The following COBL variants were observed in gnomAD, a reference collection of about 807,000 sequenced individuals.
COBL encodes protein cordon-bleu.
In COBL, 51 loss-of-function variants were observed where a neutral mutation model predicts 98.8. The ratio of observed to expected loss-of-function variants is 0.52; its 90% confidence interval spans 0.41 to 0.65. The LOEUF (loss-of-function observed/expected upper bound fraction) is 0.65. COBL is among the 30% of genes least tolerant of loss of function. COBL has a pLI of 0.00. For synonymous variants in COBL, 634 were observed against 651.7 expected, an observed-to-expected ratio of 0.97 and a Z score of 0.41; for missense variants, 1,617 against 1,617.5, an observed-to-expected ratio of 1.00 and a Z score of 0.01.
intron 8 of COBL, among the ~76,000 whole-genome samples, chr7:51,039,462 C>G (rs1321075035): frequency 6.6e-6 from 1 of 152,246 alleles, no homozygotes; most frequent in Admixed American, 6.5e-5. Flanking sequence ...CTGGGCAGCT[C>G]CCTGCCAGCC....
intron 1 of COBL, among the ~76,000 whole-genome samples, chr7:51,261,840 A>G (rs982328544): frequency 6.6e-6 from 1 of 152,176 alleles, no homozygotes; most frequent in Non-Finnish European, 1.5e-5. Flanking sequence ...CTGCCTTACT[A>G]GGGAGGCTGA....
chr7:51,181,783 G>C (rs1465060945), intron 5 of COBL, among the ~76,000 whole-genome samples: 1 of 151,848 alleles, frequency 6.6e-6, no homozygotes, highest in Non-Finnish European at 1.5e-5. Flanking sequence ...GTGAAAAACA[G>C]AAAGTCCCTT....
intron 6 of COBL, among the ~76,000 whole-genome samples, chr7:51,108,733 C>G (rs1796544353): frequency 6.6e-6 from 1 of 152,164 alleles, no homozygotes; most frequent in African/African-American, 2.4e-5. Flanking sequence ...CTCTCAGACA[C>G]TGGGCCCCAT....
At chr7:51,192,327 G>A (rs1488531069) in intron 3 of COBL, among the ~76,000 whole-genome samples, 1 of 152,182 alleles carries the variant, frequency 6.6e-6, no homozygotes, top group African/African-American at 2.4e-5. Context: ...GTACAATAAA[G>A]CTGGGTATGG....
At chr7:51,109,980 A>T (rs1796678072) in intron 6 of COBL, among the ~76,000 whole-genome samples, 1 of 152,174 alleles carries the variant, frequency 6.6e-6, no homozygotes, top group African/African-American at 2.4e-5. Context: ...TTTTTTCTTT[A>T]AAAAAATTGA....
At chr7:51,229,514 G>A (rs1404137852) in intron 1 of COBL, among the ~76,000 whole-genome samples, 1 of 152,158 alleles carries the variant, frequency 6.6e-6, no homozygotes, top group Non-Finnish European at 1.5e-5. Flanking sequence ...GAGTTTTCCA[G>A]GGCAGGCAGC....
intron 1 of COBL, among the ~76,000 whole-genome samples, chr7:51,220,709 G>A (rs970361161): frequency 2.6e-5 from 4 of 152,030 alleles, no homozygotes; most frequent in African/African-American, 9.7e-5. Flanking sequence ...GTGTCACCAG[G>A]GTTAGGTGTA....
chr7:51,268,442 T>C (rs1419849230), intron 1 of COBL, among the ~76,000 whole-genome samples: 1 of 151,942 alleles, frequency 6.6e-6, no homozygotes, highest in East Asian at 1.9e-4. Context: ...GACACTTAAT[T>C]CCTCCTCAAA....
At chr7:51,202,574 T>C (rs953761703) in intron 2 of COBL, among the ~76,000 whole-genome samples, 4 of 152,112 alleles carry the variant, frequency 2.6e-5, no homozygotes, top group Admixed American at 6.6e-5. Context: ...CTACGGTACA[T>C]GGAAACTACA....
intron 6 of COBL, among the ~76,000 whole-genome samples, chr7:51,094,550 CCTAG>C (rs1321901670): frequency 2.0e-5 from 3 of 151,878 alleles, no homozygotes; most frequent in Non-Finnish European, 2.9e-5. Flanking sequence ...GAAATAAAGA[CCTAG>C]CTAGATAAAT....
intron 1 of COBL, among the ~76,000 whole-genome samples, chr7:51,284,467 T>C (rs1205817937): frequency 6.6e-6 from 1 of 151,644 alleles, no homozygotes; most frequent in African/African-American, 2.4e-5. Context: ...AAGCATTTGA[T>C]ATAATTCAGT....
intron 7 of COBL, among the ~76,000 whole-genome samples, chr7:51,055,501 T>G (rs1186230388): frequency 6.6e-6 from 1 of 152,062 alleles, no homozygotes; most frequent in Non-Finnish European, 1.5e-5. Flanking sequence ...TGGCTGTCCA[T>G]AAACATCCTA....
At chr7:51,075,715 T>C (rs1375168312) in intron 7 of COBL, among the ~76,000 whole-genome samples, 1 of 152,332 alleles carries the variant, frequency 6.6e-6, no homozygotes, top group East Asian at 1.9e-4. Flanking sequence ...AGGGACATTG[T>C]ACCTTGTAAA....
At position 51,016,799 on chromosome 7, in the gene COBL, G is replaced by A. The variant is rs955411166; in HGVS notation, c.*752C>T. On this transcript the variant is annotated 3_prime_UTR_variant, in exon 13 of 13. Coordinates refer to ENST00000265136, the MANE Select transcript of COBL (RefSeq NM_015198.5). The stretch of plus-strand genomic sequence containing the variant: ...CCTGGGGAATGGCTGTCCATGTGGG[G>A]CACTGCCCATCCACTCCAGTGGTGG... The A allele has an allele frequency of 2.5e-5, 10 of 397,158 alleles. No individual in the cohort carries two copies. Among genetic ancestry groups the A allele is most frequent in the Non-Finnish European group, 4.0e-5 (9 of 225,792 alleles). The allele number at this position is 397,158 out of a possible 1,614,324, so 24.6% of individuals were successfully genotyped here.
intron 6 of COBL, among the ~76,000 whole-genome samples, chr7:51,104,803 C>A (rs1473974540): frequency 6.6e-6 from 1 of 152,130 alleles, no homozygotes; most frequent in East Asian, 1.9e-4. Flanking sequence ...GGTTAAGTTT[C>A]TTGAGGCTAA....
At chr7:51,060,550 C>T (rs1034920156) in intron 7 of COBL, among the ~76,000 whole-genome samples, 2 of 152,022 alleles carry the variant, frequency 1.3e-5, no homozygotes, top group African/African-American at 2.4e-5. Context: ...TTAGAGGGCT[C>T]GGGTGATGTT....
intron 6 of COBL, among the ~76,000 whole-genome samples, chr7:51,124,936 T>C (rs958310497): frequency 6.6e-6 from 1 of 152,176 alleles, no homozygotes; most frequent in Non-Finnish European, 1.5e-5. Context: ...CTCAGCTTCC[T>C]GAGTAGCTGG....
At chr7:51,212,475 C>G (rs1269033794) in intron 2 of COBL, among the ~76,000 whole-genome samples, 1 of 152,142 alleles carries the variant, frequency 6.6e-6, no homozygotes, top group Non-Finnish European at 1.5e-5. Flanking sequence ...AATGAATTAC[C>G]CTTCTCTAAT....
intron 7 of COBL, among the ~76,000 whole-genome samples, chr7:51,076,059 G>A (rs536135214): frequency 6.6e-6 from 1 of 152,328 alleles, no homozygotes; most frequent in African/African-American, 2.4e-5. Context: ...CAGCTGTGTG[G>A]CTGGCTCTCC....
Sources: gnomAD v4.1 joint callset for allele counts (sites outside exome capture counted in the v4.1 genomes callset) on GRCh38, gnomAD v4.1.1 for gene constraint, MANE v1.5 for transcripts, NCBI Gene and HGNC (gene_info 2026-07-23, HGNC 2026-07-21) for gene names.